The following ZFAND3 variants were observed in gnomAD, a reference collection of about 807,000 sequenced individuals.
ZFAND3 encodes the protein AN1-type zinc finger protein 3.
ZFAND3 carries 10 observed loss-of-function variants against 29.6 expected under a neutral mutation model. The ratio of observed to expected loss-of-function variants is 0.34; its 90% confidence interval spans 0.21 to 0.57. The LOEUF (loss-of-function observed/expected upper bound fraction) is 0.57. ZFAND3 is among the 20% of genes least tolerant of loss of function. ZFAND3 has a pLI of 0.86. For missense variants in ZFAND3, 230 were observed against 304.5 expected, an observed-to-expected ratio of 0.76 and a Z score of 1.82; for synonymous variants, 128 against 112.6, an observed-to-expected ratio of 1.14 and a Z score of -0.87.
chr6:37,822,945 G>T (rs937083052), intron 1 of ZFAND3, among the ~76,000 whole-genome samples: 8 of 152,146 alleles, frequency 5.3e-5, no homozygotes, highest in African/African-American at 1.9e-4. Context: ...CTGGGGAATT[G>T]AGAGGAATTG....
At chr6:38,139,952 G>T (rs900715504) in intron 5 of ZFAND3, among the ~76,000 whole-genome samples, 18 of 152,194 alleles carry the variant, frequency 1.2e-4, no homozygotes, top group African/African-American at 4.3e-4. Context: ...GAAGTGAATG[G>T]ATTTGATTTT....
chr6:37,905,817 G>GT (rs886961776), intron 1 of ZFAND3, among the ~76,000 whole-genome samples: 12 of 151,674 alleles, frequency 7.9e-5, no homozygotes, highest in Admixed American at 2.6e-4. Flanking sequence ...CTACCTTATA[G>GT]TTTTTTTTAA....
chr6:37,867,265 G>A (rs1248609838), intron 1 of ZFAND3, among the ~76,000 whole-genome samples: 1 of 152,190 alleles, frequency 6.6e-6, no homozygotes, highest in African/African-American at 2.4e-5. Flanking sequence ...TTGCTGTGGT[G>A]AATCACAGAA....
chr6:38,072,708 A>G (rs1188757021), intron 3 of ZFAND3, among the ~76,000 whole-genome samples: 1 of 152,248 alleles, frequency 6.6e-6, no homozygotes, highest in African/African-American at 2.4e-5. Flanking sequence ...AGCTTACATA[A>G]ATATATTTTA....
At chr6:38,102,098 C>T (rs952951393) in intron 4 of ZFAND3, among the ~76,000 whole-genome samples, 1 of 151,446 alleles carries the variant, frequency 6.6e-6, no homozygotes, top group African/African-American at 2.4e-5. Context: ...TTTCTTCTTC[C>T]TCCTCCTCTT....
intron 1 of ZFAND3, among the ~76,000 whole-genome samples, chr6:37,870,684 A>G (rs1048953076): frequency 5.3e-5 from 8 of 151,714 alleles, no homozygotes; most frequent in African/African-American, 1.9e-4. Context: ...GAAATTAGTA[A>G]TTCTTTTGTG....
At chr6:37,975,963 C>T (rs112178136) in intron 2 of ZFAND3, among the ~76,000 whole-genome samples, 26 of 151,718 alleles carry the variant, frequency 1.7e-4, no homozygotes, top group Non-Finnish European at 8.8e-5. Context: ...TGTAGATTAA[C>T]GGGAAAATTT....
At chr6:37,900,142 CTG>C (rs1219374390) in intron 1 of ZFAND3, among the ~76,000 whole-genome samples, 5 of 152,154 alleles carry the variant, frequency 3.3e-5, no homozygotes, top group Admixed American at 1.3e-4. Context: ...CTTGTTTTAA[CTG>C]TTTAACTGTG....
chr6:38,044,082 G>C (rs1468336336), intron 2 of ZFAND3, among the ~76,000 whole-genome samples: 1 of 152,158 alleles, frequency 6.6e-6, no homozygotes, highest in Non-Finnish European at 1.5e-5. Flanking sequence ...AGCTTCTCTT[G>C]TATACGTAAT....
At chr6:38,000,588 T>C (rs888319372) in intron 2 of ZFAND3, among the ~76,000 whole-genome samples, 1 of 152,112 alleles carries the variant, frequency 6.6e-6, no homozygotes, top group African/African-American at 2.4e-5. Context: ...ACTTAACTTA[T>C]TTACTGTCAG....
At chr6:37,937,855 A>T (rs1472913241) in intron 2 of ZFAND3, among the ~76,000 whole-genome samples, 1 of 152,230 alleles carries the variant, frequency 6.6e-6, no homozygotes, top group Non-Finnish European at 1.5e-5. Context: ...AAAAGGGGAC[A>T]GCTCAACTTA....
In ZFAND3 at chr6:38,116,600, A is replaced by G. The variant is rs1345769024; in HGVS notation, c.390A>G (p.Pro130=). 2.5e-6 allele frequency: 4 copies of G among 1,613,582 alleles called. No individual in the cohort carries two copies. The highest frequency in any genetic ancestry group is 1.1e-5 in the South Asian group (1 of 91,038). ...CACAGTCTGAGAATGAGGCTTCACCAGTAAAACGGCCACGACTACTTGAGA... is the reference window on the plus strand; with the variant it reads ...CACAGTCTGAGAATGAGGCTTCACCGGTAAAACGGCCACGACTACTTGAGA... ...TDSQSENEAS[P]VKRPRLLENT... The change falls in exon 5 of 6, where the codon CCA becomes CCG. Residue 130 remains proline (P), a synonymous_variant. Coordinates refer to ENST00000287218, the MANE Select transcript of ZFAND3 (RefSeq NM_021943.3).
chr6:37,854,764 G>T (rs1764345374), intron 1 of ZFAND3, among the ~76,000 whole-genome samples: 2 of 122,258 alleles, frequency 1.6e-5, no homozygotes, highest in African/African-American at 3.2e-5. Flanking sequence ...AGGCTAAAAT[G>T]CCCCCCCCCC....
intron 2 of ZFAND3, among the ~76,000 whole-genome samples, chr6:38,014,141 C>T (rs1198315804): frequency 1.3e-5 from 2 of 151,932 alleles, no homozygotes; most frequent in Non-Finnish European, 2.9e-5. Flanking sequence ...AAAATGTAAA[C>T]GGTTGCTGAA....
At chr6:38,112,127 C>G (rs186919666) in intron 4 of ZFAND3, among the ~76,000 whole-genome samples, 4 of 152,270 alleles carry the variant, frequency 2.6e-5, no homozygotes, top group African/African-American at 4.8e-5. Context: ...TCAGACTTTC[C>G]TTTGACTAGA....
rs182492862 is a variant in ZFAND3, at chr6:38,065,245, G to A, written c.295+3470G>A. 2.1e-4 allele frequency among the ~76,000 whole-genome samples: 32 copies of A among 151,976 alleles called. No homozygotes were observed. In the East Asian group the frequency reaches 5.2e-3, roughly 25 times the overall value. ...GCAGGGGAATCGCTTGAACCCGGGA[G>A]GTGAGGTTGCAGTGAGCCGAGATCA... On this transcript the variant is annotated intron_variant, in intron 3 of 5. Coordinates refer to ENST00000287218, the MANE Select transcript of ZFAND3 (RefSeq NM_021943.3).
chr6:37,930,058 T>C (rs1357639588), intron 2 of ZFAND3, 59 bp downstream of exon 2: 1 of 1,420,962 alleles, frequency 7.0e-7, no homozygotes, highest in Middle Eastern at 2.3e-4. Context: ...TTTTTTTTTT[T>C]GGTTCTTTTT....
At position 38,049,104 on chromosome 6, in the gene ZFAND3, C is replaced by T. The variant is rs1022875322; in HGVS notation, c.113-12489C>T. 7.9e-5 allele frequency among the ~76,000 whole-genome samples: 12 copies of T among 152,270 alleles called. No individual in the cohort carries two copies. In the South Asian group the frequency reaches 1.2e-3, roughly 16 times the overall value. Reference sequence around the variant, plus strand: ...AGCACTCCCTGTTGTGTTAGGCCACCTAACTTCACACATTCATGATACCCA... The same window carrying T: ...AGCACTCCCTGTTGTGTTAGGCCACTTAACTTCACACATTCATGATACCCA... On this transcript the variant is annotated intron_variant, in intron 2 of 5. Coordinates refer to ENST00000287218, the MANE Select transcript of ZFAND3 (RefSeq NM_021943.3).
intron 1 of ZFAND3, among the ~76,000 whole-genome samples, chr6:37,872,877 G>A (rs1461557922): frequency 6.6e-6 from 1 of 152,194 alleles, no homozygotes; most frequent in Non-Finnish European, 1.5e-5. Context: ...ATGCATTTCT[G>A]CAACCTTAGT....
Sources: allele counts gnomAD v4.1 joint callset (sites outside exome capture counted in the v4.1 genomes callset), GRCh38; gene constraint gnomAD v4.1.1; transcripts MANE v1.5; gene names NCBI Gene and HGNC (gene_info 2026-07-23, HGNC 2026-07-21).